The following ADGRL3 variants were observed in gnomAD, a reference collection of about 807,000 sequenced individuals.
The protein encoded by ADGRL3 is calcium-independent alpha-latrotoxin receptor 3.
In ADGRL3, 62 loss-of-function variants were observed where a neutral mutation model predicts 153.5. The ratio of observed to expected loss-of-function variants is 0.40; its 90% CI spans 0.33 to 0.50. ADGRL3 has a LOEUF of 0.50. ADGRL3 is among the 20% of genes least tolerant of loss of function. ADGRL3 has a pLI of 0.47. For synonymous variants in ADGRL3, 710 were observed against 672.5 expected (o/e 1.06, Z -0.86); for missense variants, 1,641 against 1,859.4 (o/e 0.88, Z 2.16).
intron 3 of ADGRL3, among the ~76,000 whole-genome samples, chr4:61,512,970 T>G (rs2098471538): frequency 6.6e-6 from 1 of 152,078 alleles, no homozygotes; most frequent in South Asian, 2.1e-4. Flanking sequence ...AATAAAGACA[T>G]GGTGAAATAT....
chr4:61,609,061 G>T (rs529543742), intron 5 of ADGRL3, among the ~76,000 whole-genome samples: 2 of 152,038 alleles, frequency 1.3e-5, no homozygotes, highest in East Asian at 3.8e-4. Flanking sequence ...ATTTGTTAGT[G>T]TTTATGTAGA....
At chr4:61,682,560 A>G (rs1285728258) in intron 6 of ADGRL3, among the ~76,000 whole-genome samples, 1 of 89,390 alleles carries the variant, frequency 1.1e-5, no homozygotes, top group Non-Finnish European at 2.2e-5. Context: ...TTTCTTTAAA[A>G]AAATTTTTTT....
chr4:61,753,043 A>C (rs2152075715), intron 8 of ADGRL3, among the ~76,000 whole-genome samples: 1 of 152,232 alleles, frequency 6.6e-6, no homozygotes, highest in Admixed American at 6.5e-5. Flanking sequence ...ACAGTCCAAA[A>C]ACTGAGTTGG....
At chr4:61,232,840 G>A (rs1002407223) in intron 1 of ADGRL3, among the ~76,000 whole-genome samples, 5 of 152,140 alleles carry the variant, frequency 3.3e-5, no homozygotes, top group Non-Finnish European at 7.4e-5. Flanking sequence ...TCAGCTTTAT[G>A]AGGATATTTG....
chr4:61,374,937 G>T (rs2096586079), intron 1 of ADGRL3, among the ~76,000 whole-genome samples: 1 of 151,776 alleles, frequency 6.6e-6, no homozygotes, highest in Non-Finnish European at 1.5e-5. Flanking sequence ...TCAGTGTCTG[G>T]CTTGGCAATC....
intron 5 of ADGRL3, among the ~76,000 whole-genome samples, chr4:61,616,227 A>C (rs574210151): frequency 1.3e-5 from 2 of 152,304 alleles, no homozygotes; most frequent in South Asian, 4.1e-4. Flanking sequence ...ATGTTATTGG[A>C]ACTATAACAG....
intron 3 of ADGRL3, among the ~76,000 whole-genome samples, chr4:61,501,716 A>G (rs113349863): frequency 1.3e-3 from 199 of 152,336 alleles, no homozygotes; most frequent in African/African-American, 4.6e-3. Flanking sequence ...TCAGAGACTA[A>G]GCTAAAGAAT....
chr4:61,428,429 A>G (rs1203067692), intron 2 of ADGRL3, among the ~76,000 whole-genome samples: 1 of 152,204 alleles, frequency 6.6e-6, no homozygotes, highest in African/African-American at 2.4e-5. Context: ...TTTTCCTTAC[A>G]GCGACAGAAG....
intron 1 of ADGRL3, among the ~76,000 whole-genome samples, chr4:61,273,257 T>A (rs955830294): frequency 6.6e-6 from 1 of 152,182 alleles, no homozygotes; most frequent in African/African-American, 2.4e-5. Context: ...AAGACCACTG[T>A]CATCACGCTG....
chr4:61,600,464 T>G (rs887445809), intron 5 of ADGRL3, among the ~76,000 whole-genome samples: 4 of 152,144 alleles, frequency 2.6e-5, no homozygotes, highest in Non-Finnish European at 1.5e-5. Context: ...CTCAGATACT[T>G]ATGCGTGATC....
intron 1 of ADGRL3, among the ~76,000 whole-genome samples, chr4:61,314,367 G>A: frequency 6.6e-6 from 1 of 152,048 alleles, no homozygotes; most frequent in Non-Finnish European, 1.5e-5. Flanking sequence ...GTGCCGCCAT[G>A]CCCGGCTAAT....
intron 1 of ADGRL3, among the ~76,000 whole-genome samples, chr4:61,324,300 C>A: frequency 6.6e-6 from 1 of 151,926 alleles, no homozygotes; most frequent in Non-Finnish European, 1.5e-5. Context: ...ACATATGTAC[C>A]TACTAAATCA....
chr4:61,303,668 A>G lies in ADGRL3; in HGVS notation c.-239-79456A>G, dbSNP rs1292308608. 2.0e-5 allele frequency among the ~76,000 whole-genome samples: 3 copies of G among 152,176 alleles called. No homozygotes were observed. In the East Asian group the frequency reaches 5.8e-4, roughly 29 times the overall value. ...TTGTACATTTCAGGTGGCATCATTA[A>G]GTGTCTGAAAAGTGGGATTTTTAAA... On this transcript the variant is annotated intron_variant, in intron 1 of 26. Coordinates refer to ENST00000683033, the MANE Select transcript of ADGRL3 (RefSeq NM_001387552.1).
intron 2 of ADGRL3, among the ~76,000 whole-genome samples, chr4:61,389,917 T>G (rs1262352924): frequency 1.3e-5 from 2 of 152,160 alleles, no homozygotes; most frequent in Non-Finnish European, 2.9e-5. Context: ...CAGCTACTAC[T>G]TAATCCACAG....
At chr4:61,898,984 C>G (rs2098648142) in intron 11 of ADGRL3, among the ~76,000 whole-genome samples, 1 of 148,792 alleles carries the variant, frequency 6.7e-6, no homozygotes. Flanking sequence ...TTACTGTACA[C>G]ATGGCTGGGA....
rs1228662136 is a variant in ADGRL3 at position 61,497,114 on chromosome 4, T to TTTGCAGA, written c.-173-1_-173insATTGCAG. 5.4e-6 allele frequency: 3 copies of TTTGCAGA among 557,432 alleles called. No individual in the cohort carries two copies. The highest frequency in any genetic ancestry group is 9.3e-6 in the Non-Finnish European group (3 of 323,066). 34.5% of individuals were successfully genotyped at this position (557,432 alleles called of 1,614,324 possible). ...TACAATAACCCTTTTTTTTTTCTTT[T>TTTGCAGA]TTGCAGGTTTCAGATTTGGGATATT... On this transcript the variant is annotated splice_polypyrimidine_tract_variant and splice_region_variant and intron_variant, in intron 2 of 26. Coordinates refer to ENST00000683033, the MANE Select transcript of ADGRL3 (RefSeq NM_001387552.1).
chr4:61,459,288 T>C (rs1169512615), intron 2 of ADGRL3, among the ~76,000 whole-genome samples: 2 of 151,934 alleles, frequency 1.3e-5, no homozygotes, highest in Non-Finnish European at 2.9e-5. Context: ...TCCTGGAATG[T>C]GTATATTCTG....
intron 9 of ADGRL3, among the ~76,000 whole-genome samples, chr4:61,848,425 A>G (rs4311336): frequency 0.72 from 109,355 of 151,222 alleles, 40,550 homozygotes; most frequent in Non-Finnish European, 0.83. Context: ...CTCTGTCTTC[A>G]CAAGTCCCTC....
At chr4:61,687,123 T>G (rs181230865) in intron 6 of ADGRL3, among the ~76,000 whole-genome samples, 2 of 152,168 alleles carry the variant, frequency 1.3e-5, no homozygotes, top group Admixed American at 1.3e-4. Context: ...CATAAAATTT[T>G]TAATTGCCCA....
Sources: allele counts gnomAD v4.1 joint callset (sites outside exome capture counted in the v4.1 genomes callset), GRCh38; gene constraint gnomAD v4.1.1; transcripts MANE v1.5; gene names NCBI Gene and HGNC (gene_info 2026-07-23, HGNC 2026-07-21).